The following CDKL4 variants were observed in gnomAD, a reference collection of about 807,000 sequenced individuals.
CDKL4 encodes the protein cyclin-dependent kinase-like 4.
In CDKL4, 44 loss-of-function variants were observed where a neutral mutation model predicts 42.0. That is an observed-to-expected ratio of 1.05 (90% CI 0.82 to 1.35). The LOEUF is 1.35. CDKL4 is among the 40% of genes most tolerant of loss of function. CDKL4 has a pLI of 0.00. For synonymous variants in CDKL4, 120 were observed against 121.6 expected (o/e 0.99, Z 0.09); for missense variants, 393 against 369.9 (o/e 1.06, Z -0.51).
At chr2:39,193,204 G>A (rs1041919976) in intron 5 of CDKL4, among the ~76,000 whole-genome samples, 125 of 149,964 alleles carry the variant, frequency 8.3e-4, no homozygotes, top group African/African-American at 3.0e-3. Flanking sequence ...GAGGCTGAAC[G>A]GGGTGGATCA....
intron 3 of CDKL4, among the ~76,000 whole-genome samples, chr2:39,220,998 T>G (rs867837308): frequency 0.018 from 926 of 52,016 alleles, 19 homozygotes; most frequent in African/African-American, 0.039. Flanking sequence ...TTTTTTTTTT[T>G]TTGTTTTTTT....
chr2:39,237,120 C>T (rs559006589), intron 1 of CDKL4, among the ~76,000 whole-genome samples: 1 of 152,268 alleles, frequency 6.6e-6, no homozygotes, highest in South Asian at 2.1e-4. Flanking sequence ...CACAAGAACA[C>T]AGATTATTCT....
intron 8 of CDKL4, among the ~76,000 whole-genome samples, chr2:39,180,252 C>T (rs745421329): frequency 1.9e-4 from 29 of 152,238 alleles, no homozygotes; most frequent in Non-Finnish European, 3.7e-4. Context: ...TTTTACAATA[C>T]ACAGGCACAG....
Position 39,220,973 on chromosome 2 carries a change from G to C in CDKL4, c.290+4866C>G, listed in dbSNP as rs1359655114. Reference sequence around the variant, plus strand: ...CTCAATCCGCATTCACTACATCGACGATCTTTTTTTTTTTTTTTTTTTTTT... The same window carrying C: ...CTCAATCCGCATTCACTACATCGACCATCTTTTTTTTTTTTTTTTTTTTTT... On this transcript the variant is annotated intron_variant, in intron 3 of 9. Transcript: ENST00000451199. Among the ~76,000 whole-genome samples, 4 of 58,380 alleles carry C rather than the reference G, an allele frequency of 6.9e-5. No individual in the cohort carries two copies. The South Asian group carries it at 3.1e-3, about 46-fold the overall frequency. The allele number at this position is 58,380 out of a possible 152,430, so 38.3% of individuals were successfully genotyped here. A position where few individuals can be genotyped will look rare whatever the true frequency, so the allele number is the denominator to read the frequency against.
At chr2:39,187,134 T>C (rs1005008473) in intron 7 of CDKL4, among the ~76,000 whole-genome samples, 1 of 152,112 alleles carries the variant, frequency 6.6e-6, no homozygotes, top group Admixed American at 6.6e-5. Flanking sequence ...CTGATGGTTT[T>C]AAAAGTAGCA....
At chr2:39,243,677 C>T (rs1679775915) in intron 1 of CDKL4, among the ~76,000 whole-genome samples, 194 bp downstream of exon 1, 1 of 152,268 alleles carries the variant, frequency 6.6e-6, no homozygotes, top group African/African-American at 2.4e-5. Context: ...GGACCCTCAC[C>T]GGGTCAGTGC....
chr2:39,199,209 A>T (rs1290781210), intron 5 of CDKL4, among the ~76,000 whole-genome samples: 1 of 152,128 alleles, frequency 6.6e-6, no homozygotes, highest in Non-Finnish European at 1.5e-5. Flanking sequence ...TCCTATGAAT[A>T]CCTTTACGTG....
chr2:39,239,877 C>T (rs1399016511), intron 1 of CDKL4, among the ~76,000 whole-genome samples: 1 of 149,024 alleles, frequency 6.7e-6, no homozygotes. Context: ...ATCACTTGAG[C>T]TCAGGAGTTC....
chr2:39,218,907 T>A (rs1213789025), intron 3 of CDKL4, among the ~76,000 whole-genome samples: 4 of 152,188 alleles, frequency 2.6e-5, no homozygotes, highest in Admixed American at 2.6e-4. Flanking sequence ...TTTCCTGTTA[T>A]CAGTACCTCT....
chr2:39,170,581 C>T, the CDKL4 span, among the ~76,000 whole-genome samples: 2 of 152,002 alleles, frequency 1.3e-5, no homozygotes, highest in East Asian at 1.9e-4. Flanking sequence ...CTCAGCCTCC[C>T]GAGTAGCTGG....
chr2:39,201,845 G>C (rs1676872052), intron 5 of CDKL4, among the ~76,000 whole-genome samples: 1 of 152,176 alleles, frequency 6.6e-6, no homozygotes, highest in African/African-American at 2.4e-5. Flanking sequence ...AAAGGGTCGG[G>C]CGGCGGGTGA....
rs529076221 is a variant in CDKL4, at chr2:39,215,812, T to G, written c.291-2340A>C. Among the ~76,000 whole-genome samples the G allele has an allele frequency of 2.0e-4, 31 of 152,354 alleles. No homozygotes were observed. In the South Asian group the frequency reaches 6.4e-3, roughly 32 times the overall value. ...TACCACAATTATGGTGGCATGTCCT[T>G]GACATCAGTGGCCCAGTGGCAACCC... On this transcript the variant is annotated intron_variant, in intron 3 of 9. Transcript: ENST00000451199.
rs747083150 is a variant in CDKL4 at position 39,193,128 on chromosome 2, TA to T, written c.455-2627del. On this transcript the variant is annotated intron_variant, in intron 5 of 9. Transcript: ENST00000451199. ...AGGCTACAGAGCGAGACTCCATCTC[TA>T]AAAAAAAAAAAAAAAAAAAAGGAGC... Among the ~76,000 whole-genome samples the T allele has an allele frequency of 9.8e-3, 822 of 83,492 alleles. 4 individuals are homozygous for T. The highest frequency in any genetic ancestry group is 0.012 in the Non-Finnish European group (505 of 42,446). The allele number at this position is 83,492 out of a possible 152,430, so 54.8% of individuals were successfully genotyped here.
chr2:39,206,092 C>A (rs1052941824), intron 4 of CDKL4, among the ~76,000 whole-genome samples: 17 of 151,432 alleles, frequency 1.1e-4, no homozygotes, highest in Non-Finnish European at 4.4e-5. Flanking sequence ...CTCACTGTGT[C>A]GCCCAGGCTG....
At chr2:39,242,881 T>C (rs1255689490) in intron 1 of CDKL4, among the ~76,000 whole-genome samples, 1 of 151,974 alleles carries the variant, frequency 6.6e-6, no homozygotes, top group South Asian at 2.1e-4. Flanking sequence ...GTGGAGCACT[T>C]GAAGCCAGGA....
At chr2:39,225,641 G>C (rs1678662210) in intron 3 of CDKL4, among the ~76,000 whole-genome samples, 198 bp downstream of exon 3, 1 of 152,066 alleles carries the variant, frequency 6.6e-6, no homozygotes, top group South Asian at 2.1e-4. Flanking sequence ...ATCTGTGGTA[G>C]GTTTTTCTCC....
chr2:39,168,515 C>T, the CDKL4 span, among the ~76,000 whole-genome samples: 1 of 152,064 alleles, frequency 6.6e-6, no homozygotes, highest in South Asian at 2.1e-4. Context: ...GCGGGTGGAT[C>T]ACCCAAGGTC....
intron 5 of CDKL4, among the ~76,000 whole-genome samples, chr2:39,196,289 A>G (rs960586170): frequency 5.3e-5 from 8 of 152,234 alleles, no homozygotes; most frequent in African/African-American, 1.9e-4. Context: ...TACCTCTACC[A>G]GAGCAGGTGC....
intron 1 of CDKL4, among the ~76,000 whole-genome samples, chr2:39,236,948 C>T (rs1432344107): frequency 2.6e-5 from 4 of 152,180 alleles, no homozygotes; most frequent in African/African-American, 9.7e-5. Context: ...CAGGTAAATA[C>T]TACCAAACAT....
Sources: allele counts gnomAD v4.1 joint callset (sites outside exome capture counted in the v4.1 genomes callset), GRCh38; gene constraint gnomAD v4.1.1; transcripts MANE v1.5; gene names NCBI Gene and HGNC (gene_info 2026-07-23, HGNC 2026-07-21).